DOCK6: variants seen among roughly 807,000 people sequenced by gnomAD.
The protein encoded by DOCK6 is dedicator of cytokinesis protein 6.
A neutral mutation model predicts 230.3 loss-of-function variants in DOCK6; 167 were observed. The observed-to-expected ratio is 0.73, with a 90% CI of 0.64 to 0.82. DOCK6 has a LOEUF of 0.82. DOCK6 is among the 40% of genes least tolerant of loss of function. DOCK6 has a pLI of 0.00. For missense variants in DOCK6, 2,598 were observed against 2,825.8 expected (o/e 0.92, Z 1.83); for synonymous variants, 1,148 against 1,185.0 (o/e 0.97, Z 0.64).
In DOCK6 at chr19:11,248,102, A is replaced by G; in HGVS notation, c.770T>C (p.Phe257Ser). The change falls in exon 7 of 48, where the codon TTT (phenylalanine) becomes TCT (serine). Residue 257 changes from phenylalanine to serine, a missense_variant. Transcript: ENST00000294618. ...ACACTTGACCAAGATCCTTTGTCCA[A>G]AGTGCTCGCGGGGTGGCTCTGGGCG... is the stretch of plus-strand genomic sequence containing the variant. Reference protein sequence around the residue: ...CSRPEPPREHFGQRILVKCLS... With the variant: ...CSRPEPPREHSGQRILVKCLS... 6 of 1,612,654 alleles carry G rather than the reference A, an allele frequency of 3.7e-6. No homozygotes were observed. Among genetic ancestry groups the G allele is most frequent in the Non-Finnish European group, 5.1e-6 (6 of 1,179,432 alleles).
chr19:11,247,945 G>C, intron 7 of DOCK6, 121 bp downstream of exon 7: 5 of 801,628 alleles, frequency 6.2e-6, no homozygotes, highest in Non-Finnish European at 1.0e-5. Flanking sequence ...CCCATACATA[G>C]GTGGCCACAT....
chr19:11,234,191 G>T (rs1320663356), intron 21 of DOCK6, among the ~76,000 whole-genome samples: 1 of 151,516 alleles, frequency 6.6e-6, no homozygotes, highest in East Asian at 1.9e-4. Flanking sequence ...GTAGAAACGG[G>T]GTTTCACCAT....
intron 6 of DOCK6, among the ~76,000 whole-genome samples, chr19:11,249,189 T>A (rs1441457323): frequency 6.6e-6 from 1 of 152,206 alleles, no homozygotes; most frequent in Non-Finnish European, 1.5e-5. Flanking sequence ...TGGTACCCAA[T>A]ACATGCTTGT....
In DOCK6 at chr19:11,243,716, G is replaced by A. The variant is rs1338698299; in HGVS notation, c.1105-6C>T. On this transcript the variant is annotated splice_polypyrimidine_tract_variant and splice_region_variant and intron_variant, in intron 10 of 47. Coordinates refer to ENST00000294618, the MANE Select transcript of DOCK6 (RefSeq NM_020812.4). This position sits in a 1 kb window ranked among gnomAD's most constrained non-coding sequence, Gnocchi z 6.3. Reference sequence around the variant, plus strand: ...TTCTCTAGCTTCTCTTTGTTCTGTGGGGAGACCCCGTCCCCTGCCAGCTCA... The same window carrying A: ...TTCTCTAGCTTCTCTTTGTTCTGTGAGGAGACCCCGTCCCCTGCCAGCTCA... 6.2e-6 allele frequency: 10 copies of A among 1,613,708 alleles called. No individual in the cohort carries two copies. The highest frequency in any genetic ancestry group is 7.6e-6 in the Non-Finnish European group (9 of 1,179,866).
chr19:11,246,473 G>A (rs767685452), intron 7 of DOCK6, among the ~76,000 whole-genome samples: 1 of 151,974 alleles, frequency 6.6e-6, no homozygotes, highest in East Asian at 1.9e-4. Context: ...TGAAGTGCGT[G>A]GTGGGATTTC....
intron 9 of DOCK6, 30 bp downstream of exon 9, chr19:11,245,533 A>G: frequency 6.5e-7 from 1 of 1,543,144 alleles, no homozygotes; most frequent in South Asian, 1.2e-5. Context: ...ATTCGCCATT[A>G]CCACCCCCTT....
At chr19:11,241,805 C>A in intron 14 of DOCK6, 1 of 1,477,378 alleles carries the variant, frequency 6.8e-7, no homozygotes, top group African/African-American at 1.4e-5. Context: ...CGCCGGGCCC[C>A]ACTTCTGAGC....
chr19:11,217,509 C>T, intron 28 of DOCK6, 118 bp from the exon 29 acceptor site: 1 of 1,344,934 alleles, frequency 7.4e-7, no homozygotes, highest in Non-Finnish European at 1.0e-6. Context: ...GTAATACCAG[C>T]ACTTTGGGAG....
intron 41 of DOCK6, chr19:11,203,655 C>T (rs565605341): frequency 9.4e-6 from 2 of 212,860 alleles, no homozygotes; most frequent in African/African-American, 4.6e-5. Context: ...AGCAGAGAGC[C>T]TGGGGGAGGC....
At chr19:11,218,101 C>G (rs1047142837) in intron 28 of DOCK6, among the ~76,000 whole-genome samples, 4 of 152,110 alleles carry the variant, frequency 2.6e-5, no homozygotes, top group African/African-American at 9.7e-5. Flanking sequence ...CTGCCCGTCT[C>G]AGCCTTCCAA....
chr19:11,245,117 G>A (rs2080012127), intron 9 of DOCK6, among the ~76,000 whole-genome samples: 2 of 152,164 alleles, frequency 1.3e-5, no homozygotes, highest in South Asian at 4.1e-4. Flanking sequence ...CCTGTGAAGC[G>A]TGACCATAGC....
In DOCK6 at chr19:11,224,399, CAG is replaced by C. The variant is rs2079632120; in HGVS notation, c.2956-1295_2956-1294del. Among the ~76,000 whole-genome samples the C allele has an allele frequency of 2.0e-5, 3 of 151,624 alleles. No individual in the cohort carries two copies. In the South Asian group the frequency reaches 6.3e-4, roughly 32 times the overall value. Reference sequence around the variant, plus strand: ...CTAACTTCTGTGTTTTTAGTAGAGACAGGGTTTCACCATGTTGGTAAGGCTGG... The same window carrying C: ...CTAACTTCTGTGTTTTTAGTAGAGACGGTTTCACCATGTTGGTAAGGCTGG... On this transcript the variant is annotated intron_variant, in intron 24 of 47. Coordinates refer to ENST00000294618, the MANE Select transcript of DOCK6 (RefSeq NM_020812.4).
At chr19:11,234,189 G>A (rs774727281) in intron 21 of DOCK6, among the ~76,000 whole-genome samples, 12 of 151,560 alleles carry the variant, frequency 7.9e-5, no homozygotes, top group Middle Eastern at 3.5e-3. Context: ...TAGTAGAAAC[G>A]GGGTTTCACC....
Position 11,200,681 on chromosome 19 carries a change from G to C in DOCK6, c.5939+35C>G. The C allele has an allele frequency of 6.3e-7, 1 of 1,581,908 alleles. No homozygotes were observed. On this transcript the variant is annotated intron_variant, in intron 46 of 47. Coordinates refer to ENST00000294618, the MANE Select transcript of DOCK6 (RefSeq NM_020812.4). This position sits in a 1 kb window ranked among gnomAD's most constrained non-coding sequence, Gnocchi z 4.3. ...AGAGCAGGCCTATGCAGGTTAGGCA[G>C]ACACGAGACCCCTCCTGGGGGGTTT...
intron 41 of DOCK6, chr19:11,203,446 CG>C (rs1270272348): frequency 8.1e-6 from 1 of 123,882 alleles, no homozygotes; most frequent in African/African-American, 3.2e-5. Context: ...AGATCAGAGA[CG>C]GGAGGGGGGC....
At chr19:11,257,592 C>T (rs965683799) in intron 1 of DOCK6, among the ~76,000 whole-genome samples, 4 of 151,356 alleles carry the variant, frequency 2.6e-5, no homozygotes, top group Non-Finnish European at 5.9e-5. Flanking sequence ...TGTTTGACAC[C>T]AGCCTGGCCA....
At chr19:11,239,731 C>T (rs765200793) in intron 14 of DOCK6, 1 of 1,613,318 alleles carries the variant, frequency 6.2e-7, no homozygotes, top group East Asian at 2.2e-5. Flanking sequence ...ACTGGCACAG[C>T]ATGAGGAGCT....
chr19:11,242,211 G>A lies in DOCK6; in HGVS notation c.1481-4C>T. 1 of 1,455,616 alleles carries A rather than the reference G, an allele frequency of 6.9e-7. No homozygotes were observed. The highest frequency in any genetic ancestry group is 9.0e-7 in the Non-Finnish European group (1 of 1,106,238). 90.2% of individuals were successfully genotyped at this position (1,455,616 alleles called of 1,614,324 possible). On this transcript the variant is annotated splice_region_variant and splice_polypyrimidine_tract_variant and intron_variant, in intron 13 of 47. Transcript: ENST00000294618. ...GAAATGTCGATCTTGAGCTGGGCTG[G>A]GAAGGGAAGAACCGGTTTGCACCTG...
intron 28 of DOCK6, among the ~76,000 whole-genome samples, chr19:11,219,737 C>G (rs2079552266): frequency 6.6e-6 from 1 of 150,746 alleles, no homozygotes; most frequent in African/African-American, 2.4e-5. Context: ...TTGCAGTGAG[C>G]CGAGATAGCG....
Sources: allele counts gnomAD v4.1 joint callset (sites outside exome capture counted in the v4.1 genomes callset), GRCh38; gene constraint gnomAD v4.1.1; non-coding constraint Gnocchi (gnomAD v3.1); transcripts MANE v1.5; gene names NCBI Gene and HGNC (gene_info 2026-07-23, HGNC 2026-07-21).